The following DLC1 variants were observed in gnomAD, a reference collection of about 807,000 sequenced individuals.
The protein encoded by DLC1 is rho GTPase-activating protein 7.
Under a neutral mutation model 140.3 loss-of-function variants are expected in DLC1, and 54 were observed. The ratio of observed to expected loss-of-function variants is 0.38; its 90% CI spans 0.31 to 0.48. The LOEUF (loss-of-function observed/expected upper bound fraction) is 0.48. Ranked by LOEUF, DLC1 falls within the 20% of genes least tolerant of loss-of-function variation. The probability of loss-of-function intolerance (pLI) is 0.96; values close to 1 mark genes in which losing one functional copy is unlikely to be tolerated. For missense variants in DLC1, 2,536 were observed against 1,907.0 expected (o/e 1.33, Z -6.14); for synonymous variants, 986 against 728.1 (o/e 1.35, Z -5.70).
In DLC1 at chr8:13,095,282, A is replaced by G. The variant is rs1297106895; in HGVS notation, c.3168-37T>C. On this transcript the variant is annotated intron_variant, in intron 10 of 17. Coordinates refer to ENST00000276297, the MANE Select transcript of DLC1 (RefSeq NM_182643.3). ...CACAGAGATGGTGGTGTTGGCGGAG[A>G]CATGCTCACTTGTCTGTCTACACTT... The G allele has an allele frequency of 3.1e-6, 5 of 1,613,424 alleles. No homozygotes were observed. In the East Asian group the frequency reaches 1.1e-4, roughly 36 times the overall value.
intron 5 of DLC1, among the ~76,000 whole-genome samples, chr8:13,211,860 C>T (rs773681805): frequency 5.9e-5 from 9 of 152,132 alleles, no homozygotes. Flanking sequence ...TTTTTGGAAA[C>T]ATACATGAAA....
rs572109117 is a variant in DLC1, at chr8:13,190,819, G to C, written c.1349-75162C>G. Among the ~76,000 whole-genome samples, 5 of 152,262 alleles carry C rather than the reference G, an allele frequency of 3.3e-5. No homozygotes were observed. The East Asian group carries it at 7.8e-4, about 24-fold the overall frequency. On this transcript the variant is annotated intron_variant, in intron 5 of 17. Coordinates refer to ENST00000276297, the MANE Select transcript of DLC1 (RefSeq NM_182643.3). Reference sequence around the variant, plus strand: ...GTTAGAGTGATGCTGACCTCACCTAGAGATGAAGATGAAGTCGCCAAGTGT... The same window carrying C: ...GTTAGAGTGATGCTGACCTCACCTACAGATGAAGATGAAGTCGCCAAGTGT...
Position 13,587,581 on chromosome 8 carries a change from AAT to A in DLC1, c.-126+16954_-126+16955del, listed in dbSNP as rs1243576965. On this transcript the variant is annotated intron_variant, in intron 1 of 1. Coordinates refer to the DLC1 transcript ENST00000631382. ...CACACACACACACAGAGAGAGAGAA[AAT>A]ATATATATATATACATTGCATATAT... Among the ~76,000 whole-genome samples the A allele has an allele frequency of 1.6e-3, 205 of 132,038 alleles. No homozygotes were observed. The East Asian group carries it at 0.038, about 24-fold the overall frequency. The allele number at this position is 132,038 out of a possible 152,430, so 86.6% of individuals were successfully genotyped here.
intron 5 of DLC1, among the ~76,000 whole-genome samples, chr8:13,211,414 A>G (rs745973391): frequency 6.6e-6 from 1 of 152,098 alleles, no homozygotes; most frequent in Non-Finnish European, 1.5e-5. Flanking sequence ...GTTTTGCTGT[A>G]CACTGTTGCT....
chr8:13,444,582 A>T (rs1354091784), intron 2 of DLC1, among the ~76,000 whole-genome samples: 1 of 152,208 alleles, frequency 6.6e-6, no homozygotes, highest in African/African-American at 2.4e-5. Context: ...GTATAATTTT[A>T]AAAAATCTTT....
intron 5 of DLC1, among the ~76,000 whole-genome samples, chr8:13,293,532 C>G (rs1485787567): frequency 1.3e-5 from 2 of 152,150 alleles, no homozygotes; most frequent in Non-Finnish European, 2.9e-5. Flanking sequence ...GCCAAATAAA[C>G]AGATTGATTC....
intron 4 of DLC1, among the ~76,000 whole-genome samples, chr8:13,389,158 T>G (rs1213704531): frequency 3.9e-5 from 6 of 152,132 alleles, no homozygotes; most frequent in Admixed American, 3.3e-4. Flanking sequence ...TTCTGGGGCT[T>G]GGCTCTTTTC....
intron 5 of DLC1, among the ~76,000 whole-genome samples, chr8:13,188,419 C>CAAA (rs1178090798): frequency 2.6e-3 from 155 of 58,896 alleles, no homozygotes; most frequent in East Asian, 3.8e-3. Context: ...GACTCCGTCT[C>CAAA]AAAAAAAAAA....
At chr8:13,311,619 C>T (rs897724485) in intron 4 of DLC1, among the ~76,000 whole-genome samples, 1 of 152,150 alleles carries the variant, frequency 6.6e-6, no homozygotes, top group Admixed American at 6.5e-5. Context: ...CCCCTTAAAT[C>T]ACTGACTTTA....
intron 5 of DLC1, among the ~76,000 whole-genome samples, chr8:13,219,646 T>C (rs1828445135): frequency 6.6e-6 from 1 of 151,898 alleles, no homozygotes; most frequent in African/African-American, 2.4e-5. Context: ...TTTTTGGAGA[T>C]ATCTATATAT....
intron 3 of DLC1, among the ~76,000 whole-genome samples, chr8:13,395,686 G>T (rs556486782): frequency 6.6e-6 from 1 of 152,060 alleles, no homozygotes; most frequent in Non-Finnish European, 1.5e-5. Flanking sequence ...ATTTTCTCCA[G>T]TTGGAAGGGT....
At chr8:13,306,583 TGAGAGA>T (rs58220489) in intron 4 of DLC1, among the ~76,000 whole-genome samples, 1,948 of 120,796 alleles carry the variant, frequency 0.016, 16 homozygotes, top group South Asian at 0.042. Flanking sequence ...TGTGTGTGTG[TGAGAGA>T]GAGAGAGAGA....
Position 13,359,795 on chromosome 8 carries a change from G to T in DLC1, c.1314+33758C>A, listed in dbSNP as rs140395198. ...ATGATTTCACCAGAGAAGTTGGGTG[G>T]TGTCATAAAGTTAAGCGATGAGATG... On this transcript the variant is annotated intron_variant, in intron 4 of 17. Coordinates refer to ENST00000276297, the MANE Select transcript of DLC1 (RefSeq NM_182643.3). 2.1e-3 allele frequency among the ~76,000 whole-genome samples: 314 copies of T among 152,314 alleles called. 1 individual carries two copies. The highest frequency in any genetic ancestry group is 6.8e-3 in the African/African-American group (282 of 41,572).
upstream of DLC1, among the ~76,000 whole-genome samples, chr8:13,519,113 G>T (rs1197286020): frequency 1.3e-5 from 2 of 151,606 alleles, no homozygotes; most frequent in African/African-American, 2.4e-5. Context: ...TTTACATTAG[G>T]TATATCTCCT....
At chr8:13,464,859 C>T (rs1256146998) in intron 2 of DLC1, among the ~76,000 whole-genome samples, 1 of 149,424 alleles carries the variant, frequency 6.7e-6, no homozygotes, top group Admixed American at 6.7e-5. Context: ...CTTGGAAACT[C>T]ACCCCATTAC....
At chr8:13,280,294 A>G (rs1185258885) in intron 5 of DLC1, among the ~76,000 whole-genome samples, 3 of 150,736 alleles carry the variant, frequency 2.0e-5, no homozygotes, top group Non-Finnish European at 3.0e-5. Flanking sequence ...TCTCAAAAAA[A>G]AAAAAAAAAA....
chr8:13,218,297 G>A (rs1297296397), intron 5 of DLC1, among the ~76,000 whole-genome samples: 1 of 152,012 alleles, frequency 6.6e-6, no homozygotes, highest in Non-Finnish European at 1.5e-5. Flanking sequence ...CTAGAAGAAA[G>A]CATAGATGAA....
At chr8:13,559,366 G>A (rs1386582958) in intron 1 of DLC1, 1 of 152,206 alleles carries the variant, frequency 6.6e-6, no homozygotes, top group African/African-American at 2.4e-5. Context: ...CAGTGACATA[G>A]TTTGTTTTTG....
At chr8:13,586,830 C>G (rs993704228) in intron 1 of DLC1, among the ~76,000 whole-genome samples, 30 of 152,042 alleles carry the variant, frequency 2.0e-4, no homozygotes, top group African/African-American at 6.8e-4. Context: ...AGTATTCAAG[C>G]AAGACTTGTT....
Sources: gnomAD v4.1 joint callset for allele counts (sites outside exome capture counted in the v4.1 genomes callset) on GRCh38, gnomAD v4.1.1 for gene constraint, MANE v1.5 for transcripts, NCBI Gene and HGNC (gene_info 2026-07-23, HGNC 2026-07-21) for gene names.